The following ATAD2B variants were observed in gnomAD, a reference collection of about 807,000 sequenced individuals.
ATAD2B encodes ATPase family AAA domain-containing protein 2B.
A neutral mutation model predicts 167.6 loss-of-function variants in ATAD2B; 40 were observed. That is an observed-to-expected ratio of 0.24 (90% CI 0.19 to 0.31). ATAD2B has a LOEUF of 0.31. Among genes scored for constraint, ATAD2B ranks in the 10% least tolerant of loss-of-function variants. The pLI is 1.00. For missense variants in ATAD2B, 1,242 were observed against 1,757.2 expected (o/e 0.71, Z 5.24); for synonymous variants, 579 against 596.5 (o/e 0.97, Z 0.43).
At chr2:23,874,596 G>A (rs765803488) in intron 8 of ATAD2B, among the ~76,000 whole-genome samples, 5 of 151,888 alleles carry the variant, frequency 3.3e-5, no homozygotes, top group Non-Finnish European at 5.9e-5. Context: ...CCAGCTACTC[G>A]GGAGGCTGAG....
Position 23,788,594 on chromosome 2 carries a change from AG to A in ATAD2B, c.2693del (p.Pro898LeufsTer13), listed in dbSNP as rs1681172419. The stretch of plus-strand genomic sequence containing the variant: ...AAAATTTTCTTCTGTCTTCTTCAAT[AG>A]GCCTTTGAATATACAAGACCTCTTC... ...QYEEVLYIQR[P>X]IEEDRRKFFQ... On this transcript the variant is annotated frameshift_variant, in exon 20 of 28. Transcript: ENST00000238789. LOFTEE classifies it high-confidence loss of function. 6.2e-7 allele frequency: 1 copy of A among 1,607,514 alleles called. No homozygotes were observed. The highest frequency in any genetic ancestry group is 1.3e-5 in the African/African-American group (1 of 74,766).
chr2:23,774,741 A>T (rs1010688116), intron 22 of ATAD2B, among the ~76,000 whole-genome samples: 1 of 152,036 alleles, frequency 6.6e-6, no homozygotes, highest in Non-Finnish European at 1.5e-5. Context: ...CTCTACTAAA[A>T]ATACAAAAAT....
At chr2:23,766,118 A>T (rs933355595) in intron 22 of ATAD2B, among the ~76,000 whole-genome samples, 3 of 152,196 alleles carry the variant, frequency 2.0e-5, no homozygotes, top group African/African-American at 7.2e-5. Flanking sequence ...TGACAAAAAC[A>T]GAGAAATACA....
intron 22 of ATAD2B, among the ~76,000 whole-genome samples, chr2:23,772,010 A>T (rs1291213224): frequency 1.3e-5 from 2 of 152,170 alleles, no homozygotes; most frequent in Non-Finnish European, 2.9e-5. Flanking sequence ...TGGTATCTGG[A>T]AATTGTCTCC....
the ATAD2B span, among the ~76,000 whole-genome samples, chr2:23,728,968 C>T: frequency 7.9e-5 from 12 of 151,940 alleles, no homozygotes; most frequent in African/African-American, 2.7e-4. Flanking sequence ...ACAATCATGG[C>T]GGAAGGTGAA....
At chr2:23,699,521 C>T in the ATAD2B span, among the ~76,000 whole-genome samples, 2 of 152,220 alleles carry the variant, frequency 1.3e-5, no homozygotes, top group African/African-American at 4.8e-5. Flanking sequence ...ATCCCAGTGA[C>T]CTGGCCAGGC....
chr2:23,904,732 T>A (rs1701276618), intron 1 of ATAD2B, among the ~76,000 whole-genome samples: 1 of 152,118 alleles, frequency 6.6e-6, no homozygotes, highest in Non-Finnish European at 1.5e-5. Context: ...TACAAATCAA[T>A]CTCTTCCGAT....
At chr2:23,728,827 A>C in the ATAD2B span, among the ~76,000 whole-genome samples, 1 of 152,214 alleles carries the variant, frequency 6.6e-6, no homozygotes, top group African/African-American at 2.4e-5. Context: ...CTCCTTGTTG[A>C]AGAAGGAAAT....
At chr2:23,821,672 G>A (rs1687469648) in intron 16 of ATAD2B, among the ~76,000 whole-genome samples, 2 of 152,260 alleles carry the variant, frequency 1.3e-5, no homozygotes, top group Admixed American at 6.5e-5. Context: ...TCCAGACAAG[G>A]TGCTAGGAAC....
At chr2:23,732,680 C>T in the ATAD2B span, among the ~76,000 whole-genome samples, 1 of 151,932 alleles carries the variant, frequency 6.6e-6, no homozygotes, top group East Asian at 1.9e-4. Flanking sequence ...CCCACTGTAC[C>T]CCCAAACTTA....
intron 22 of ATAD2B, among the ~76,000 whole-genome samples, chr2:23,773,524 G>A (rs554542691): frequency 6.6e-5 from 10 of 152,088 alleles, no homozygotes; most frequent in Admixed American, 3.3e-4. Context: ...CCCCTCTTGC[G>A]GGAGGGAAAA....
chr2:23,780,820 C>T (rs906296865), intron 22 of ATAD2B, among the ~76,000 whole-genome samples: 3 of 152,142 alleles, frequency 2.0e-5, no homozygotes, highest in African/African-American at 7.2e-5. Context: ...GAAAGAATCA[C>T]TTGAATCCAG....
At chr2:23,744,976 A>T (rs1376808591), downstream of ATAD2B, among the ~76,000 whole-genome samples, 1 of 152,172 alleles carries the variant, frequency 6.6e-6, no homozygotes, top group Non-Finnish European at 1.5e-5. Context: ...TCTACTATTT[A>T]AAAATGTTTA....
intron 22 of ATAD2B, among the ~76,000 whole-genome samples, chr2:23,781,875 T>G (rs1364861932): frequency 6.6e-6 from 1 of 152,050 alleles, no homozygotes; most frequent in African/African-American, 2.4e-5. Context: ...TACAGTGGCA[T>G]GATCACAGCT....
At chr2:23,732,056 T>C in the ATAD2B span, among the ~76,000 whole-genome samples, 1 of 152,182 alleles carries the variant, frequency 6.6e-6, no homozygotes, top group Non-Finnish European at 1.5e-5. Context: ...ACTGTGCATT[T>C]TGACACAGCA....
At chr2:23,731,413 T>C in the ATAD2B span, among the ~76,000 whole-genome samples, 2 of 152,176 alleles carry the variant, frequency 1.3e-5, no homozygotes, top group Non-Finnish European at 2.9e-5. Flanking sequence ...AGGCATCAAA[T>C]ATCAGTCACT....
At chr2:23,789,999 A>G (rs1681407710) in intron 19 of ATAD2B, among the ~76,000 whole-genome samples, 1 of 152,202 alleles carries the variant, frequency 6.6e-6, no homozygotes, top group African/African-American at 2.4e-5. Context: ...ATCTCAACCT[A>G]AAGTCAAATC....
chr2:23,837,656 G>A (rs1354039356), intron 13 of ATAD2B, among the ~76,000 whole-genome samples: 2 of 152,220 alleles, frequency 1.3e-5, no homozygotes, highest in African/African-American at 4.8e-5. Context: ...TGCCATCACT[G>A]TGAACTGTAT....
At chr2:23,876,465 C>G (rs1696860174) in intron 7 of ATAD2B, among the ~76,000 whole-genome samples, 1 of 152,012 alleles carries the variant, frequency 6.6e-6, no homozygotes, top group African/African-American at 2.4e-5. Flanking sequence ...CCACGCCCAG[C>G]TAATATTTGT....
Sources: gnomAD v4.1 joint callset for allele counts (sites outside exome capture counted in the v4.1 genomes callset) on GRCh38, gnomAD v4.1.1 for gene constraint, MANE v1.5 for transcripts, NCBI Gene and HGNC (gene_info 2026-07-23, HGNC 2026-07-21) for gene names.